STMP1: variants seen among roughly 807,000 people sequenced by gnomAD.
The protein encoded by STMP1 is short transmembrane mitochondrial protein 1.
A neutral mutation model predicts 7.0 loss-of-function variants in STMP1; 7 were observed. The ratio of observed to expected loss-of-function variants is 1.01; its 90% CI spans 0.57 to 1.89. STMP1 has a LOEUF of 1.89. Among genes scored for constraint, STMP1 ranks in the 40% most tolerant of loss-of-function variants. STMP1 has a pLI of 0.00. For missense variants in STMP1, 45 were observed against 53.0 expected (o/e 0.85, Z 0.47); for synonymous variants, 19 against 18.4 (o/e 1.03, Z -0.08).
chr7:135,668,555 A>G (rs2129493264), intron 1 of STMP1, among the ~76,000 whole-genome samples: 1 of 152,270 alleles, frequency 6.6e-6, no homozygotes, highest in East Asian at 1.9e-4. Context: ...GATGTATGCC[A>G]CCACATCCGG....
chr7:135,663,367 A>G lies in STMP1; in HGVS notation c.15+773A>G, dbSNP rs532365211. On this transcript the variant is annotated intron_variant, in intron 1 of 2. Coordinates refer to ENST00000507606, the MANE Select transcript of STMP1 (RefSeq NM_001130929.2). ...TTTTTTATTTTTTATTTTTTTTGAG[A>G]CGGAGTCTCGCTGTGTCGTCAGGCT... Among the ~76,000 whole-genome samples the G allele has an allele frequency of 2.8e-4, 42 of 151,988 alleles. No individual in the cohort carries two copies. In the South Asian group the frequency reaches 8.3e-3, roughly 30 times the overall value.
intron 1 of STMP1, among the ~76,000 whole-genome samples, chr7:135,672,218 G>A (rs188427595): frequency 6.6e-6 from 1 of 152,194 alleles, no homozygotes. Context: ...GACCTCAAGT[G>A]ATCTACCACT....
At chr7:135,663,265 G>T (rs761120891) in intron 1 of STMP1, among the ~76,000 whole-genome samples, 1 of 152,218 alleles carries the variant, frequency 6.6e-6, no homozygotes, top group Non-Finnish European at 1.5e-5. Context: ...TCCAGGAGTT[G>T]CTCATCAAAT....
At chr7:135,672,993 C>T (rs1795372350) in intron 2 of STMP1, 187 bp downstream of exon 2, 3 of 599,648 alleles carry the variant, frequency 5.0e-6, no homozygotes, top group African/African-American at 3.7e-5. Flanking sequence ...CAGCTGTCCT[C>T]CATATCACCA....
chr7:135,663,477 T>A (rs1795258128), intron 1 of STMP1, among the ~76,000 whole-genome samples: 1 of 151,986 alleles, frequency 6.6e-6, no homozygotes, highest in African/African-American at 2.4e-5. Flanking sequence ...CCGGAGTAGC[T>A]GGGATTACAG....
At chr7:135,663,741 G>A (rs975620371) in intron 1 of STMP1, among the ~76,000 whole-genome samples, 9 of 152,160 alleles carry the variant, frequency 5.9e-5, no homozygotes, top group African/African-American at 1.4e-4. Context: ...TGCAGCCTCC[G>A]CTTCCTGGGT....
intron 1 of STMP1, among the ~76,000 whole-genome samples, chr7:135,672,482 A>G (rs914293179): frequency 1.3e-5 from 2 of 152,056 alleles, no homozygotes; most frequent in Non-Finnish European, 2.9e-5. Flanking sequence ...CAGTGTTACC[A>G]TTTATTCTTT....
At chr7:135,666,521 G>C (rs1347925670) in intron 1 of STMP1, among the ~76,000 whole-genome samples, 1 of 151,524 alleles carries the variant, frequency 6.6e-6, no homozygotes, top group Non-Finnish European at 1.5e-5. Context: ...GCTAATTTTT[G>C]TATTTTTAGT....
chr7:135,671,952 C>A (rs947344446), intron 1 of STMP1, among the ~76,000 whole-genome samples: 3 of 152,144 alleles, frequency 2.0e-5, no homozygotes, highest in Non-Finnish European at 4.4e-5. Flanking sequence ...TCCCTTCATT[C>A]TCTGAGATCC....
intron 1 of STMP1, among the ~76,000 whole-genome samples, chr7:135,666,562 A>C (rs59543286): frequency 0.15 from 23,098 of 151,166 alleles, 1,951 homozygotes; most frequent in East Asian, 0.19. Flanking sequence ...GGCTGGTCTC[A>C]AACTCCTGGC....
chr7:135,674,310 C>A lies in STMP1; in HGVS notation c.*145C>A. The A allele has an allele frequency of 1.6e-6, 1 of 632,438 alleles. No homozygotes were observed. The allele number at this position is 632,438 out of a possible 1,614,324, so 39.2% of individuals were successfully genotyped here. A position where few individuals can be genotyped will look rare whatever the true frequency, so the allele number is the denominator to read the frequency against. ...AGACCCTGTGTTTTTTGCTTTAAAG[C>A]AAGCAAAATGGGGCCCCAATTTGAG... On this transcript the variant is annotated 3_prime_UTR_variant, in exon 3 of 3. Transcript: ENST00000507606.
chr7:135,664,844 C>G (rs977134626), intron 1 of STMP1, among the ~76,000 whole-genome samples: 1 of 152,100 alleles, frequency 6.6e-6, no homozygotes, highest in Non-Finnish European at 1.5e-5. Context: ...TGTGTGCAGT[C>G]ATTTCATCTA....
rs974772892 is a variant in STMP1, at chr7:135,675,843, C to T, written c.*1678C>T. ...ACATGGAAGTAAGTTTTATTCCTGT[C>T]AATGTTGTCTTTGTGTGTGACAGAT... On this transcript the variant is annotated 3_prime_UTR_variant, in exon 3 of 3. Transcript: ENST00000507606. The T allele has an allele frequency of 1.3e-5, 2 of 151,546 alleles. No homozygotes were observed. Among genetic ancestry groups the T allele is most frequent in the Non-Finnish European group, 2.9e-5 (2 of 67,864 alleles). 9.4% of individuals were successfully genotyped at this position (151,546 alleles called of 1,614,324 possible). A position where few individuals can be genotyped will look rare whatever the true frequency, so the allele number is the denominator to read the frequency against.
chr7:135,671,713 G>A (rs1467361616), intron 1 of STMP1, among the ~76,000 whole-genome samples: 2 of 152,104 alleles, frequency 1.3e-5, no homozygotes, highest in African/African-American at 4.8e-5. Flanking sequence ...GGCCTTAAAT[G>A]TCCTGCCTGT....
intron 1 of STMP1, among the ~76,000 whole-genome samples, chr7:135,663,975 AAC>A (rs1167781468): frequency 3.9e-5 from 6 of 152,240 alleles, no homozygotes; most frequent in African/African-American, 1.4e-4. Context: ...AAGAGATTAA[AAC>A]ACAAAATGCA....
intron 1 of STMP1, 130 bp downstream of exon 1, chr7:135,662,724 C>A: frequency 9.1e-7 from 1 of 1,095,342 alleles, no homozygotes; most frequent in Non-Finnish European, 1.3e-6. Context: ...GTCCCCCGCG[C>A]CTGGTCGTCG....
At chr7:135,663,938 C>T (rs899932438) in intron 1 of STMP1, among the ~76,000 whole-genome samples, 1 of 152,264 alleles carries the variant, frequency 6.6e-6, no homozygotes, top group Admixed American at 6.5e-5. Flanking sequence ...GCCTCCGCGC[C>T]CGGCCCCAAA....
chr7:135,673,119 A>T (rs1385174332), intron 2 of STMP1: 1 of 364,810 alleles, frequency 2.7e-6, no homozygotes, highest in Non-Finnish European at 5.0e-6. Context: ...ATCATGTGAT[A>T]AGTGAGAATT....
chr7:135,674,357 TACTC>T lies in STMP1; in HGVS notation c.*195_*198del. Reference sequence around the variant, plus strand: ...TGAGAACTACCCGACATTTCCAACATACTCACCTCTTCCCATAATCCCTTTCCAA... The same window carrying T: ...TGAGAACTACCCGACATTTCCAACATACCTCTTCCCATAATCCCTTTCCAA... On this transcript the variant is annotated 3_prime_UTR_variant, in exon 3 of 3. Transcript: ENST00000507606. 1 of 532,678 alleles carries T rather than the reference TACTC, an allele frequency of 1.9e-6. No homozygotes were observed. The highest frequency in any genetic ancestry group is 3.0e-5 in the East Asian group (1 of 32,860). The allele number at this position is 532,678 out of a possible 1,614,324, so 33.0% of individuals were successfully genotyped here.
Sources: gnomAD v4.1 joint callset for allele counts (sites outside exome capture counted in the v4.1 genomes callset) on GRCh38, gnomAD v4.1.1 for gene constraint, MANE v1.5 for transcripts, NCBI Gene and HGNC (gene_info 2026-07-23, HGNC 2026-07-21) for gene names.